Variants in JAKMIP2 observed in about 807,000 individuals in gnomAD.
JAKMIP2 encodes the protein janus kinase and microtubule interacting protein 2.
A neutral mutation model predicts 115.0 loss-of-function variants in JAKMIP2; 25 were observed. That is an observed-to-expected ratio of 0.22 (90% confidence interval 0.16 to 0.30). The LOEUF (loss-of-function observed/expected upper bound fraction) is 0.30, where lower values mean the gene tolerates loss of function less well. Ranked by LOEUF, JAKMIP2 falls within the 10% of genes least tolerant of loss-of-function variation. JAKMIP2 has a pLI of 1.00. For synonymous variants in JAKMIP2, 334 were observed against 343.6 expected (o/e 0.97, Z 0.31); for missense variants, 642 against 957.6 (o/e 0.67, Z 4.35).
chr5:147,653,003 C>T (rs948258031), intron 3 of JAKMIP2, among the ~76,000 whole-genome samples: 1 of 152,098 alleles, frequency 6.6e-6, no homozygotes, highest in Non-Finnish European at 1.5e-5. Context: ...TGATGGCTTC[C>T]AGCTTCATTC....
At chr5:147,653,930 C>A (rs752983482) in intron 3 of JAKMIP2, among the ~76,000 whole-genome samples, 3 of 152,010 alleles carry the variant, frequency 2.0e-5, no homozygotes, top group Non-Finnish European at 4.4e-5. Context: ...TCTGCATATG[C>A]CTAGCCAGTT....
chr5:147,592,420 G>A (rs2126546914), intron 21 of JAKMIP2, among the ~76,000 whole-genome samples: 1 of 152,334 alleles, frequency 6.6e-6, no homozygotes, highest in Non-Finnish European at 1.5e-5. Flanking sequence ...AGATGTCCCT[G>A]AAAAGGTGCT....
chr5:147,636,400 A>G, intron 11 of JAKMIP2, 116 bp from the exon 12 acceptor site: 1 of 784,846 alleles, frequency 1.3e-6, no homozygotes, highest in Admixed American at 2.3e-5. Flanking sequence ...TGCCTGCCAA[A>G]GACTGGTAAG....
At chr5:147,646,002 T>A (rs1758115565) in intron 5 of JAKMIP2, among the ~76,000 whole-genome samples, 1 of 152,198 alleles carries the variant, frequency 6.6e-6, no homozygotes, top group African/African-American at 2.4e-5. Flanking sequence ...AGCTTATTCT[T>A]TTCTTACTAA....
At chr5:147,718,879 C>T (rs533034916) in intron 1 of JAKMIP2, among the ~76,000 whole-genome samples, 1 of 146,180 alleles carries the variant, frequency 6.8e-6, no homozygotes, top group Non-Finnish European at 1.5e-5. Flanking sequence ...TTATTTCTTG[C>T]CTTCTGCTAG....
intron 1 of JAKMIP2, among the ~76,000 whole-genome samples, chr5:147,690,802 T>C (rs879869350): frequency 8.6e-5 from 13 of 151,916 alleles, no homozygotes; most frequent in Admixed American, 2.0e-4. Context: ...ACGCATACTG[T>C]GTGGCCCTCT....
chr5:147,630,535 C>A (rs547393545), intron 14 of JAKMIP2, among the ~76,000 whole-genome samples: 7 of 152,258 alleles, frequency 4.6e-5, no homozygotes, highest in African/African-American at 1.7e-4. Flanking sequence ...AATATTACCA[C>A]CAAAGTTTTC....
At chr5:147,616,198 G>C (rs1756572481) in intron 19 of JAKMIP2, among the ~76,000 whole-genome samples, 1 of 152,106 alleles carries the variant, frequency 6.6e-6, no homozygotes, top group Non-Finnish European at 1.5e-5. Flanking sequence ...AGAAGTTAGA[G>C]TGTATTACAT....
chr5:147,773,741 G>A (rs943905145), intron 1 of JAKMIP2, among the ~76,000 whole-genome samples: 2 of 152,202 alleles, frequency 1.3e-5, no homozygotes, highest in East Asian at 3.9e-4. Context: ...CCTGTAGAGA[G>A]CAAAAACCCA....
rs775373955 is a variant in JAKMIP2, at chr5:147,725,228, C to T, written c.-148-53274G>A. Reference sequence around the variant, plus strand: ...CCAAAAATGGGATAAACTCTCGGTTCCGGGAACTGCCCACCCCTTTCCTGG... The same window carrying T: ...CCAAAAATGGGATAAACTCTCGGTTTCGGGAACTGCCCACCCCTTTCCTGG... On this transcript the variant is annotated intron_variant, in intron 1 of 21. Coordinates refer to ENST00000616793, the MANE Select transcript of JAKMIP2 (RefSeq NM_001270941.2). Among the ~76,000 whole-genome samples the T allele has an allele frequency of 1.2e-4, 19 of 152,236 alleles. No individual in the cohort carries two copies. The East Asian group carries it at 1.9e-3, about 15-fold the overall frequency.
At chr5:147,644,288 G>A (rs1758021445) in intron 6 of JAKMIP2, 90 bp from the exon 7 acceptor site, 2 of 1,267,136 alleles carry the variant, frequency 1.6e-6, no homozygotes, top group South Asian at 3.7e-5. Context: ...AAGTTTATGA[G>A]GCTCCAGCTA....
intron 1 of JAKMIP2, among the ~76,000 whole-genome samples, chr5:147,729,705 C>T (rs1423075928): frequency 6.7e-6 from 1 of 148,598 alleles, no homozygotes; most frequent in Non-Finnish European, 1.5e-5. Context: ...ACCCAGGAGG[C>T]GGAGCTTGCA....
At chr5:147,632,574 G>A in intron 13 of JAKMIP2, 106 bp downstream of exon 13, 2 of 744,370 alleles carry the variant, frequency 2.7e-6, no homozygotes, top group Non-Finnish European at 4.5e-6. Context: ...AGGTCCAAAT[G>A]AGAGTATGAA....
chr5:147,636,853 T>C, intron 11 of JAKMIP2, 112 bp downstream of exon 11: 8 of 791,836 alleles, frequency 1.0e-5, no homozygotes, highest in Non-Finnish European at 1.8e-5. Context: ...TCGAGAAAGA[T>C]CACTGTGGAG....
chr5:147,631,256 T>G (rs1436646325), intron 14 of JAKMIP2, among the ~76,000 whole-genome samples, 157 bp downstream of exon 14: 1 of 152,222 alleles, frequency 6.6e-6, no homozygotes, highest in African/African-American at 2.4e-5. Flanking sequence ...TTCTGTTAAT[T>G]TTCTAGTAGA....
chr5:147,655,270 G>A (rs1758620763), intron 3 of JAKMIP2, among the ~76,000 whole-genome samples: 1 of 152,196 alleles, frequency 6.6e-6, no homozygotes, highest in Non-Finnish European at 1.5e-5. Flanking sequence ...AGTTTCAGAA[G>A]GAATGGTACC....
chr5:147,651,147 C>A (rs1386905129), intron 3 of JAKMIP2, among the ~76,000 whole-genome samples: 1 of 141,358 alleles, frequency 7.1e-6, no homozygotes, highest in African/African-American at 2.5e-5. Flanking sequence ...TTCAGAGCAG[C>A]CAGTTCTTAG....
At position 147,636,206 on chromosome 5, in the gene JAKMIP2, G is replaced by T; in HGVS notation, c.1677+16C>A. ...ATTTTCTCCTCTGCCCCGCTAGGGT[G>T]TTGTGCCCAACATACCTTTTCTAAA... On this transcript the variant is annotated intron_variant, in intron 12 of 21. Coordinates refer to ENST00000616793, the MANE Select transcript of JAKMIP2 (RefSeq NM_001270941.2). 6.2e-7 allele frequency: 1 copy of T among 1,607,656 alleles called. No homozygotes were observed. Among genetic ancestry groups the T allele is most frequent in the Non-Finnish European group, 8.5e-7 (1 of 1,174,168 alleles).
rs1754938274 is a variant in JAKMIP2, at chr5:147,587,853, TCTACCTA to T, written c.*3847_*3853del. ...TTACTAGTGGAGAACACATTTGCTC[TCTACCTA>T]AGTGATAACCCAGGCCTTCTATATC... On this transcript the variant is annotated 3_prime_UTR_variant, in exon 22 of 22. Transcript: ENST00000616793. The T allele has an allele frequency of 1.3e-5, 2 of 152,002 alleles. No homozygotes were observed. Among genetic ancestry groups the T allele is most frequent in the Admixed American group, 1.3e-4 (2 of 15,260 alleles). 9.4% of individuals were successfully genotyped at this position (152,002 alleles called of 1,614,324 possible).
Sources: gnomAD v4.1 joint callset for allele counts (sites outside exome capture counted in the v4.1 genomes callset) on GRCh38, gnomAD v4.1.1 for gene constraint, MANE v1.5 for transcripts, NCBI Gene and HGNC (gene_info 2026-07-23, HGNC 2026-07-21) for gene names.